Variants in HPCAL1 observed in about 807,000 individuals in gnomAD.
HPCAL1 encodes the protein hippocalcin-like protein 1.
HPCAL1 carries 8 observed loss-of-function variants against 17.1 expected under a neutral mutation model. That is an observed-to-expected ratio of 0.47 (90% confidence interval 0.27 to 0.84). The LOEUF (loss-of-function observed/expected upper bound fraction) is 0.84. Ranked by LOEUF, HPCAL1 falls within the 40% of genes least tolerant of loss-of-function variation. The pLI is 0.13. For missense variants in HPCAL1, 165 were observed against 271.1 expected (o/e 0.61, Z 2.75); for synonymous variants, 112 against 111.4 (o/e 1.01, Z -0.03).
chr2:10,334,695 C>CTTTTTTTTTTTTTT (rs553228833), intron 1 of HPCAL1, among the ~76,000 whole-genome samples: 9,566 of 145,248 alleles, frequency 0.066, 558 homozygotes, highest in South Asian at 0.16. Flanking sequence ...ATTCCATTGA[C>CTTTTTTTTTTTTTT]TTTTTTTTGA....
chr2:10,404,851 T>G (rs1443244763), intron 2 of HPCAL1, among the ~76,000 whole-genome samples: 1 of 152,170 alleles, frequency 6.6e-6, no homozygotes, highest in Non-Finnish European at 1.5e-5. Context: ...CAGGTTTTAA[T>G]GCCGCTGCTT....
chr2:10,370,476 T>G (rs568494158), intron 1 of HPCAL1, among the ~76,000 whole-genome samples: 1 of 152,322 alleles, frequency 6.6e-6, no homozygotes, highest in African/African-American at 2.4e-5. Flanking sequence ...CTTAGTTGGA[T>G]GCAGGTAGGA....
intron 2 of HPCAL1, among the ~76,000 whole-genome samples, chr2:10,401,515 C>G (rs2125591384): frequency 6.6e-6 from 1 of 152,160 alleles, no homozygotes; most frequent in East Asian, 1.9e-4. Flanking sequence ...GGAGGGTGCA[C>G]AGACAGTGCC....
intron 1 of HPCAL1, among the ~76,000 whole-genome samples, chr2:10,393,334 C>A (rs901955043): frequency 3.9e-5 from 6 of 152,188 alleles, no homozygotes; most frequent in Non-Finnish European, 7.3e-5. Flanking sequence ...TCCCAAGCAG[C>A]CTGAGCGCCA....
rs946680249 is a variant in HPCAL1, at chr2:10,304,093, T to G, written c.-111+916T>G. ...CGCGAAGCACTGAGATTCGAGAAAG[T>G]TTAGCTGCCAGCTGCGCTGCCTCCT... On this transcript the variant is annotated intron_variant, in intron 1 of 4. Coordinates refer to ENST00000307845, the MANE Select transcript of HPCAL1 (RefSeq NM_002149.4). This position sits in a 1 kb window ranked among gnomAD's most constrained non-coding sequence, Gnocchi z 4.1. Among the ~76,000 whole-genome samples the G allele has an allele frequency of 6.6e-6, 1 of 152,196 alleles. No individual in the cohort carries two copies. The highest frequency in any genetic ancestry group is 2.4e-5 in the African/African-American group (1 of 41,456).
intron 1 of HPCAL1, among the ~76,000 whole-genome samples, chr2:10,339,785 G>A (rs1021204232): frequency 6.6e-6 from 1 of 152,224 alleles, no homozygotes; most frequent in African/African-American, 2.4e-5. Flanking sequence ...GAGATAGCTC[G>A]CCATGTTCAT....
At position 10,332,060 on chromosome 2, in the gene HPCAL1, C is replaced by T. The variant is rs184736985; in HGVS notation, c.-111+28883C>T. Among the ~76,000 whole-genome samples, 128 of 151,806 alleles carry T rather than the reference C, an allele frequency of 8.4e-4. No individual in the cohort carries two copies. The Middle Eastern group carries it at 0.017, about 20-fold the overall frequency. ...TTGTCACCCATTGTCATTTATGAGCCCTGTGTCACTTGTTGCTTCAGAGGG... is the reference window on the plus strand; with the variant it reads ...TTGTCACCCATTGTCATTTATGAGCTCTGTGTCACTTGTTGCTTCAGAGGG... On this transcript the variant is annotated intron_variant, in intron 1 of 4. Transcript: ENST00000307845.
chr2:10,404,062 T>G (rs1355344738), intron 2 of HPCAL1, among the ~76,000 whole-genome samples: 1 of 152,224 alleles, frequency 6.6e-6, no homozygotes, highest in Non-Finnish European at 1.5e-5. Context: ...TAATGTTCTC[T>G]ATCATTTGTC....
intron 1 of HPCAL1, among the ~76,000 whole-genome samples, chr2:10,385,344 C>T (rs961391699): frequency 2.6e-5 from 3 of 114,240 alleles, no homozygotes; most frequent in South Asian, 5.3e-4. Context: ...CTTCAGCTCC[C>T]GGTCACTTGT....
chr2:10,421,172 G>A (rs760085024), intron 3 of HPCAL1, among the ~76,000 whole-genome samples: 1 of 152,214 alleles, frequency 6.6e-6, no homozygotes, highest in Non-Finnish European at 1.5e-5. Context: ...CCAGGAATGC[G>A]CAGTCATCAA....
intron 1 of HPCAL1, among the ~76,000 whole-genome samples, chr2:10,392,107 AC>A (rs1369274524): frequency 6.6e-6 from 1 of 151,918 alleles, no homozygotes; most frequent in Non-Finnish European, 1.5e-5. Context: ...CAGTGGCATG[AC>A]CATAGCTCAC....
chr2:10,334,667 TG>T (rs1252457054), intron 1 of HPCAL1, among the ~76,000 whole-genome samples: 1 of 151,994 alleles, frequency 6.6e-6, no homozygotes, highest in African/African-American at 2.4e-5. Flanking sequence ...TTCTCCTTTT[TG>T]TTAACTGCTG....
intron 1 of HPCAL1, among the ~76,000 whole-genome samples, chr2:10,364,730 T>G (rs1349699040): frequency 1.3e-5 from 2 of 151,926 alleles, no homozygotes; most frequent in African/African-American, 4.8e-5. Flanking sequence ...GGACTACAGG[T>G]GCATGCCCCC....
At chr2:10,321,338 C>G (rs1211413984) in intron 1 of HPCAL1, among the ~76,000 whole-genome samples, 3 of 152,024 alleles carry the variant, frequency 2.0e-5, no homozygotes, top group African/African-American at 7.3e-5. Flanking sequence ...CCCACCAGGC[C>G]TCATCCCCAA....
intron 1 of HPCAL1, among the ~76,000 whole-genome samples, chr2:10,373,421 C>T (rs771477668): frequency 6.6e-6 from 1 of 152,130 alleles, no homozygotes; most frequent in African/African-American, 2.4e-5. Flanking sequence ...GAAGCATCGG[C>T]ATCATCAGAT....
intron 2 of HPCAL1, among the ~76,000 whole-genome samples, 192 bp downstream of exon 2, chr2:10,397,112 G>C (rs115218216): frequency 6.6e-6 from 1 of 152,156 alleles, no homozygotes; most frequent in Non-Finnish European, 1.5e-5. Context: ...ACTGCGGCTC[G>C]GAAATGCAGA....
chr2:10,308,066 G>A (rs1662733362), intron 1 of HPCAL1, among the ~76,000 whole-genome samples: 1 of 152,102 alleles, frequency 6.6e-6, no homozygotes, highest in African/African-American at 2.4e-5. Context: ...ATAAGACCAG[G>A]GAGCGTGAAG....
chr2:10,395,779 G>C lies in HPCAL1; in HGVS notation c.-110-1056G>C, dbSNP rs1309531666. 6.6e-6 allele frequency among the ~76,000 whole-genome samples: 1 copy of C among 152,158 alleles called. No individual in the cohort carries two copies. The highest frequency in any genetic ancestry group is 2.4e-5 in the African/African-American group (1 of 41,426). On this transcript the variant is annotated intron_variant, in intron 1 of 4. Transcript: ENST00000307845. This position sits in a 1 kb window ranked among gnomAD's most constrained non-coding sequence, Gnocchi z 4.4. ...TCTTGCAGGTAATTAGCTCCTGTAA[G>C]CCTCCATTTTTCCCCGTCTGTCAAA... is the stretch of plus-strand genomic sequence containing the variant.
At chr2:10,380,129 T>C (rs1026943826) in intron 1 of HPCAL1, among the ~76,000 whole-genome samples, 2 of 152,226 alleles carry the variant, frequency 1.3e-5, no homozygotes, top group African/African-American at 4.8e-5. Context: ...TGTGCAATTG[T>C]TGGGCGGCTT....
Sources: allele counts gnomAD v4.1 joint callset (sites outside exome capture counted in the v4.1 genomes callset), GRCh38; gene constraint gnomAD v4.1.1; non-coding constraint Gnocchi (gnomAD v3.1); transcripts MANE v1.5; gene names NCBI Gene and HGNC (gene_info 2026-07-23, HGNC 2026-07-21).